Variants in ARHGAP15 observed in about 807,000 individuals in gnomAD.
ARHGAP15 encodes the protein rho GTPase-activating protein 15.
A neutral mutation model predicts 63.7 loss-of-function variants in ARHGAP15; 51 were observed. The ratio of observed to expected loss-of-function variants is 0.80; its 90% CI spans 0.64 to 1.01. The LOEUF (loss-of-function observed/expected upper bound fraction) is 1.01, where lower values mean the gene tolerates loss of function less well. Among genes scored for constraint, ARHGAP15 ranks in the 50% least tolerant of loss-of-function variants. The pLI, the probability that ARHGAP15 is intolerant of heterozygous loss-of-function variation, is 0.00. For missense variants in ARHGAP15, 560 were observed against 564.6 expected (o/e 0.99, Z 0.08); for synonymous variants, 191 against 193.8 (o/e 0.99, Z 0.12).
intron 6 of ARHGAP15, among the ~76,000 whole-genome samples, chr2:143,262,535 A>ATTTTTTTTTTTTTTTT (rs67267617): frequency 1.9e-4 from 17 of 90,920 alleles, no homozygotes; most frequent in East Asian, 6.1e-4. Flanking sequence ...TGAACCTTTG[A>ATTTTTTTTTTTTTTTT]TTTTTTTTTT....
At chr2:143,701,438 A>G (rs758464363) in intron 12 of ARHGAP15, among the ~76,000 whole-genome samples, 10 of 152,290 alleles carry the variant, frequency 6.6e-5, no homozygotes, top group Non-Finnish European at 1.2e-4. Flanking sequence ...TTCTTATGTC[A>G]AAGAAACCCA....
chr2:143,563,667 A>G (rs769024681), intron 11 of ARHGAP15, among the ~76,000 whole-genome samples: 35 of 152,202 alleles, frequency 2.3e-4, no homozygotes, highest in Non-Finnish European at 4.7e-4. Flanking sequence ...CTAATCCCCA[A>G]GAAAAACCCC....
At chr2:143,285,929 A>T (rs769843359) in intron 6 of ARHGAP15, among the ~76,000 whole-genome samples, 3 of 152,166 alleles carry the variant, frequency 2.0e-5, no homozygotes, top group Non-Finnish European at 4.4e-5. Flanking sequence ...ATAATTTTAC[A>T]TCCGTACAAT....
Position 143,393,472 on chromosome 2 carries a change from G to T in ARHGAP15, c.475-42129G>T, listed in dbSNP as rs200752132. 2.0e-5 allele frequency among the ~76,000 whole-genome samples: 3 copies of T among 152,196 alleles called. No individual in the cohort carries two copies. The East Asian group carries it at 5.8e-4, about 29-fold the overall frequency. On this transcript the variant is annotated intron_variant, in intron 6 of 13. Transcript: ENST00000295095. ...AAGTGAGCTGGGCACGGTGGCTCAT[G>T]CCTGTAATCCCACCACTTTGGGAGG...
intron 6 of ARHGAP15, among the ~76,000 whole-genome samples, chr2:143,289,831 A>C (rs1280116761): frequency 6.6e-6 from 1 of 152,148 alleles, no homozygotes; most frequent in Non-Finnish European, 1.5e-5. Context: ...AAAAAAGAGG[A>C]AGAAGAATTA....
chr2:143,279,078 T>C (rs565582818), intron 6 of ARHGAP15, among the ~76,000 whole-genome samples: 1 of 152,248 alleles, frequency 6.6e-6, no homozygotes, highest in Admixed American at 6.5e-5. Context: ...GCCCCCTATC[T>C]ACCTCTCTGG....
intron 1 of ARHGAP15, among the ~76,000 whole-genome samples, chr2:143,144,666 T>C (rs1312210017): frequency 6.6e-6 from 1 of 152,066 alleles, no homozygotes; most frequent in Non-Finnish European, 1.5e-5. Context: ...TGCACCTATG[T>C]GTCTATTTAT....
chr2:143,225,540 T>G (rs1189264044), intron 4 of ARHGAP15, among the ~76,000 whole-genome samples: 2 of 152,092 alleles, frequency 1.3e-5, no homozygotes, highest in Non-Finnish European at 2.9e-5. Flanking sequence ...GGCGGAGATT[T>G]CAGTGAGCGG....
intron 1 of ARHGAP15, among the ~76,000 whole-genome samples, chr2:143,142,222 T>G (rs1689399069): frequency 6.6e-6 from 1 of 152,150 alleles, no homozygotes; most frequent in Non-Finnish European, 1.5e-5. Flanking sequence ...CACCTCTTCT[T>G]GAATTTATAG....
intron 2 of ARHGAP15, among the ~76,000 whole-genome samples, chr2:143,179,092 C>T (rs1214280084): frequency 6.6e-6 from 1 of 152,174 alleles, no homozygotes; most frequent in Non-Finnish European, 1.5e-5. Context: ...GCAGTGATTA[C>T]CTAATTTGGC....
chr2:143,250,544 T>G lies in ARHGAP15; in HGVS notation c.418T>G (p.Cys140Gly). 1.2e-6 allele frequency: 2 copies of G among 1,613,492 alleles called. No individual in the cohort carries two copies. Among genetic ancestry groups the G allele is most frequent in the Non-Finnish European group, 1.7e-6 (2 of 1,179,556 alleles). Residue 140 changes from cysteine to glycine, a missense_variant, in exon 6 of 14, where the codon TGT becomes GGT. Transcript: ENST00000295095. ...GCACAAACCAGAAAGTGTGGATTTGTGTGGAGCACACATTGAATGGGCCAA... is the reference window on the plus strand; with the variant it reads ...GCACAAACCAGAAAGTGTGGATTTGGGTGGAGCACACATTGAATGGGCCAA... ...TGHKPESVDL[C>G]GAHIEWAKEK...
chr2:143,247,908 T>C (rs763004403), intron 5 of ARHGAP15, among the ~76,000 whole-genome samples: 70 of 152,338 alleles, frequency 4.6e-4, no homozygotes, highest in Admixed American at 2.2e-3. Context: ...ACTAAAGTCT[T>C]CCTTCCAAAG....
At chr2:143,484,575 C>T (rs998824155) in intron 8 of ARHGAP15, among the ~76,000 whole-genome samples, 1 of 151,924 alleles carries the variant, frequency 6.6e-6, no homozygotes, top group Admixed American at 6.6e-5. Context: ...AATAATTACA[C>T]AGGCCATATA....
At chr2:143,765,016 G>T (rs1178110511) in intron 13 of ARHGAP15, among the ~76,000 whole-genome samples, 5 of 151,880 alleles carry the variant, frequency 3.3e-5, no homozygotes, top group African/African-American at 4.8e-5. Flanking sequence ...TTAGGCATTT[G>T]CTACCAATGG....
chr2:143,497,033 C>T (rs1692846053), intron 9 of ARHGAP15, among the ~76,000 whole-genome samples: 1 of 152,134 alleles, frequency 6.6e-6, no homozygotes, highest in South Asian at 2.1e-4. Flanking sequence ...TGAGGACTGA[C>T]AAGCTTCCAC....
At chr2:143,633,993 C>T (rs1680176475) in intron 12 of ARHGAP15, among the ~76,000 whole-genome samples, 1 of 152,082 alleles carries the variant, frequency 6.6e-6, no homozygotes, top group African/African-American at 2.4e-5. Flanking sequence ...CTACCCAACC[C>T]AGCATGATTC....
intron 6 of ARHGAP15, among the ~76,000 whole-genome samples, chr2:143,338,756 C>T (rs1389505685): frequency 6.6e-6 from 1 of 152,124 alleles, no homozygotes; most frequent in Non-Finnish European, 1.5e-5. Context: ...AAAGAAAGAT[C>T]ACAAAACCTG....
chr2:143,756,784 T>C (rs901050038), intron 13 of ARHGAP15, among the ~76,000 whole-genome samples: 1 of 152,230 alleles, frequency 6.6e-6, no homozygotes, highest in African/African-American at 2.4e-5. Context: ...TTTTCTTCCA[T>C]CTGAACACCC....
intron 8 of ARHGAP15, among the ~76,000 whole-genome samples, chr2:143,449,523 T>G (rs1271966924): frequency 6.6e-6 from 1 of 152,098 alleles, no homozygotes; most frequent in African/African-American, 2.4e-5. Context: ...CCTTTCAGGT[T>G]AGATGTTAAA....
Sources: allele counts gnomAD v4.1 joint callset (sites outside exome capture counted in the v4.1 genomes callset), GRCh38; gene constraint gnomAD v4.1.1; transcripts MANE v1.5; gene names NCBI Gene and HGNC (gene_info 2026-07-23, HGNC 2026-07-21).